Variants in CCHCR1 observed in about 807,000 individuals in gnomAD.
The protein encoded by CCHCR1 is HCR (a-helix coiled-coil rod homologue).
A neutral mutation model predicts 114.6 loss-of-function variants in CCHCR1; 91 were observed. The observed-to-expected ratio is 0.79, with a 90% CI of 0.67 to 0.94. The LOEUF (loss-of-function observed/expected upper bound fraction) is 0.94, where lower values mean the gene tolerates loss of function less well. Among genes scored for constraint, CCHCR1 ranks in the 40% least tolerant of loss-of-function variants. CCHCR1 has a pLI of 0.00. For missense variants in CCHCR1, 899 were observed against 1,079.9 expected, an observed-to-expected ratio of 0.83 and a Z score of 2.35; for synonymous variants, 379 against 428.5, an observed-to-expected ratio of 0.88 and a Z score of 1.43.
intron 11 of CCHCR1, 52 bp downstream of exon 11, chr6:31,145,644 G>T: frequency 6.7e-7 from 1 of 1,487,378 alleles, no homozygotes; most frequent in Non-Finnish European, 9.4e-7. Flanking sequence ...GAAGAAGAAA[G>T]TCCGAGCTGG....
chr6:31,148,490 G>A lies in CCHCR1; in HGVS notation c.1495C>T (p.Arg499Cys), dbSNP rs766894571. 1.8e-5 allele frequency: 29 copies of A among 1,612,450 alleles called. No individual in the cohort carries two copies. The highest frequency in any genetic ancestry group is 2.0e-5 in the Non-Finnish European group (24 of 1,179,644). Residue 499 changes from arginine (R) to cysteine (C), a missense_variant, in exon 10 of 18, where the codon CGT becomes TGT. Arg to Cys is a radical substitution (Grantham distance 180). Coordinates refer to ENST00000396268, the MANE Select transcript of CCHCR1 (RefSeq NM_001105564.2). The stretch of plus-strand genomic sequence containing the variant: ...CACCGACGCCTGGCCTCCTGAGCAC[G>A]GCTCAGCTCCAACTGCAGGCCCTGG... ...GAKGLQLELS[R>C]AQEARRRWQQ...
chr6:31,145,360 C>G, intron 12 of CCHCR1, 58 bp from the exon 13 acceptor site: 1 of 1,611,998 alleles, frequency 6.2e-7, no homozygotes, highest in Non-Finnish European at 8.5e-7. Flanking sequence ...ATCCCAAAGC[C>G]CCCATCCCAC....
At chr6:31,148,783 G>A (rs1581927475) in intron 8 of CCHCR1, 55 bp from the exon 9 acceptor site, 1 of 853,670 alleles carries the variant, frequency 1.2e-6, no homozygotes, top group East Asian at 4.0e-5. Context: ...GATGAGGGGG[G>A]CACTGGAAGC....
chr6:31,150,177 C>T lies in CCHCR1; in HGVS notation c.1251G>A (p.Arg417=), dbSNP rs1775002499. Residue 417 remains arginine, a synonymous_variant, in exon 8 of 18, where the codon AGG becomes AGA. Transcript: ENST00000396268. The surrounding 1 kb of genome is among the most constrained non-coding windows in gnomAD (Gnocchi z 5.3). ...AGCGGTTCAGCAGGGACTGGCACTT[C>T]CTGGTAAACTCAGGCTCCAGGGAAT... is the stretch of plus-strand genomic sequence containing the variant. ...PSDSLEPEFT[R]KCQSLLNRWR... is the part of the protein sequence containing the mutation. 6.2e-7 allele frequency: 1 copy of T among 1,614,186 alleles called. No individual in the cohort carries two copies. Among genetic ancestry groups the T allele is most frequent in the Non-Finnish European group, 8.5e-7 (1 of 1,180,040 alleles).
At position 31,144,826 on chromosome 6, in the gene CCHCR1, C is replaced by A; in HGVS notation, c.2066-38G>T. On this transcript the variant is annotated intron_variant, in intron 14 of 17. Coordinates refer to ENST00000396268, the MANE Select transcript of CCHCR1 (RefSeq NM_001105564.2). This position sits in a 1 kb window ranked among gnomAD's most constrained non-coding sequence, Gnocchi z 4.6. ...TGCAGACGGGGCATATCAGCAGGAGCTTTGATTCGCAGTTCCCACCCCACC... is the reference window on the plus strand; with the variant it reads ...TGCAGACGGGGCATATCAGCAGGAGATTTGATTCGCAGTTCCCACCCCACC... 9 of 1,609,382 alleles carry A rather than the reference C, an allele frequency of 5.6e-6. No individual in the cohort carries two copies. Among genetic ancestry groups the A allele is most frequent in the Non-Finnish European group, 6.8e-6 (8 of 1,175,854 alleles).
At position 31,148,601 on chromosome 6, in the gene CCHCR1, A is replaced by G; in HGVS notation, c.1473+17T>C. 3 of 1,604,646 alleles carry G rather than the reference A, an allele frequency of 1.9e-6. No individual in the cohort carries two copies. Among genetic ancestry groups the G allele is most frequent in the Non-Finnish European group, 2.6e-6 (3 of 1,172,368 alleles). ...GCTCCCTTGCCCTCCCCGAGTCTCTAGTAGGCTGACACCAACCTTGGCACC... is the reference window on the plus strand; with the variant it reads ...GCTCCCTTGCCCTCCCCGAGTCTCTGGTAGGCTGACACCAACCTTGGCACC... On this transcript the variant is annotated intron_variant, in intron 9 of 17. Transcript: ENST00000396268.
intron 10 of CCHCR1, among the ~76,000 whole-genome samples, chr6:31,146,570 A>T (rs1025039054): frequency 6.6e-6 from 1 of 152,104 alleles, no homozygotes; most frequent in Non-Finnish European, 1.5e-5. Context: ...CCACAGAAAA[A>T]CACATGATGA....
In CCHCR1 at chr6:31,143,984, G is replaced by A. The variant is rs1291284944; in HGVS notation, c.2168-571C>T. ...TGAGCCAGGAGAATGGCTTGAACCCGGGAGGCAGAGGTCACAGTGAGCCAA... is the reference window on the plus strand; with the variant it reads ...TGAGCCAGGAGAATGGCTTGAACCCAGGAGGCAGAGGTCACAGTGAGCCAA... On this transcript the variant is annotated intron_variant, in intron 15 of 17. Coordinates refer to ENST00000396268, the MANE Select transcript of CCHCR1 (RefSeq NM_001105564.2). The surrounding 1 kb of genome is among the most constrained non-coding windows in gnomAD (Gnocchi z 5.3). 6.6e-6 allele frequency among the ~76,000 whole-genome samples: 1 copy of A among 152,058 alleles called. No individual in the cohort carries two copies. The highest frequency in any genetic ancestry group is 2.4e-5 in the African/African-American group (1 of 41,396).
chr6:31,152,187 C>T (rs910568845), intron 4 of CCHCR1, among the ~76,000 whole-genome samples: 13 of 148,820 alleles, frequency 8.7e-5, no homozygotes, highest in African/African-American at 2.0e-4. Context: ...CCCAGCTACT[C>T]GGAAGAATGA....
At chr6:31,142,862 C>G in intron 17 of CCHCR1, 101 bp downstream of exon 17, 1 of 1,493,312 alleles carries the variant, frequency 6.7e-7, no homozygotes, top group Non-Finnish European at 9.1e-7. Flanking sequence ...CTAAGGGCCT[C>G]GAAGGACCGC....
chr6:31,144,773 AC>A lies in CCHCR1; in HGVS notation c.2080del (p.Val694TrpfsTer19). 1 of 1,613,752 alleles carries A rather than the reference AC, an allele frequency of 6.2e-7. No homozygotes were observed. Among genetic ancestry groups the A allele is most frequent in the Non-Finnish European group, 8.5e-7 (1 of 1,179,876 alleles). On this transcript the variant is annotated frameshift_variant, in exon 15 of 18. Transcript: ENST00000396268. LOFTEE classifies it high-confidence loss of function. This position sits in a 1 kb window ranked among gnomAD's most constrained non-coding sequence, Gnocchi z 4.6. The stretch of plus-strand genomic sequence containing the variant: ...CCGCAGCCGAGTTTCCACTTCAGCC[AC>A]CTTTTCTTGCAGGGCTGGGGTGAAA... The part of the protein sequence containing the change: ...ELYGQALQEK[V>X]AEVETRLREQ...
chr6:31,144,945 T>C lies in CCHCR1; in HGVS notation c.2005A>G (p.Thr669Ala). 6.2e-7 allele frequency: 1 copy of C among 1,612,116 alleles called. No individual in the cohort carries two copies. The highest frequency in any genetic ancestry group is 8.5e-7 in the Non-Finnish European group (1 of 1,179,984). Residue 669 changes from threonine (T) to alanine (A), a missense_variant, in exon 14 of 18, where the codon ACA (threonine) becomes GCA (alanine). Coordinates refer to ENST00000396268, the MANE Select transcript of CCHCR1 (RefSeq NM_001105564.2). This position sits in a 1 kb window ranked among gnomAD's most constrained non-coding sequence, Gnocchi z 4.6. ...EVARQGQQES[T>A]EEAASLRQEL... Reference sequence around the variant, plus strand: ...TGCCGCAGACTGGCAGCCTCCTCTGTGCTCTCCTGCTGGCCCTGGCGTGCT... The same window carrying C: ...TGCCGCAGACTGGCAGCCTCCTCTGCGCTCTCCTGCTGGCCCTGGCGTGCT...
At chr6:31,153,417 GC>G (rs1775536062) in intron 4 of CCHCR1, among the ~76,000 whole-genome samples, 2 of 151,934 alleles carry the variant, frequency 1.3e-5, no homozygotes, top group African/African-American at 4.8e-5. Context: ...TATAAATATA[GC>G]TTTTTTTTTT....
At position 31,143,719 on chromosome 6, in the gene CCHCR1, C is replaced by G. The variant is rs1012856669; in HGVS notation, c.2168-306G>C. 6.6e-6 allele frequency among the ~76,000 whole-genome samples: 1 copy of G among 152,174 alleles called. No individual in the cohort carries two copies. The highest frequency in any genetic ancestry group is 2.4e-5 in the African/African-American group (1 of 41,430). The stretch of plus-strand genomic sequence containing the variant: ...CTGTCTTAAAGTGTGATGATTGCAG[C>G]TATATAGGAGAATTTACTGGCTTTG... On this transcript the variant is annotated intron_variant, in intron 15 of 17. Coordinates refer to ENST00000396268, the MANE Select transcript of CCHCR1 (RefSeq NM_001105564.2). The surrounding 1 kb of genome is among the most constrained non-coding windows in gnomAD (Gnocchi z 5.3).
intron 17 of CCHCR1, 102 bp from the exon 18 acceptor site, chr6:31,142,818 C>T (rs1160735868): frequency 5.3e-6 from 8 of 1,521,194 alleles, no homozygotes; most frequent in Non-Finnish European, 7.1e-6. Context: ...AGAGAGGAGG[C>T]TCTTTGGTCC....
chr6:31,158,151 C>G (rs1776375113), upstream of CCHCR1: 1 of 155,800 alleles, frequency 6.4e-6, no homozygotes, highest in African/African-American at 2.4e-5. Flanking sequence ...ACCGACTCTT[C>G]CCGAACGTCC....
Position 31,143,460 on chromosome 6 carries a change from GA to G in CCHCR1, c.2168-48del. Reference sequence around the variant, plus strand: ...GAGGAGGCAGGTGTGAGTCAGGCCAGAGGCAGCCAGGCACCATGAAGACAGG... The same window carrying G: ...GAGGAGGCAGGTGTGAGTCAGGCCAGGGCAGCCAGGCACCATGAAGACAGG... On this transcript the variant is annotated intron_variant, in intron 15 of 17. Transcript: ENST00000396268. The surrounding 1 kb of genome is among the most constrained non-coding windows in gnomAD (Gnocchi z 5.3). 1 of 1,598,152 alleles carries G rather than the reference GA, an allele frequency of 6.3e-7. No individual in the cohort carries two copies. The highest frequency in any genetic ancestry group is 1.1e-5 in the South Asian group (1 of 90,194).
At chr6:31,145,933 G>A (rs1425108337) in intron 10 of CCHCR1, 125 bp from the exon 11 acceptor site, 16 of 625,540 alleles carry the variant, frequency 2.6e-5, no homozygotes, top group South Asian at 3.8e-5. Flanking sequence ...CACAGCTTCC[G>A]TCAATTATCT....
In CCHCR1 at chr6:31,143,293, T is replaced by C; in HGVS notation, c.2288A>G (p.Gln763Arg). The C allele has an allele frequency of 6.2e-7, 1 of 1,612,830 alleles. No individual in the cohort carries two copies. The highest frequency in any genetic ancestry group is 8.5e-7 in the Non-Finnish European group (1 of 1,180,022). ...EEGQRLARRL[Q>R]ELERDKNLML... is the part of the protein sequence containing the mutation. ...GAGGTTCTTATCCCTCTCTAGCTCC[T>C]GCAAGCGCCGGGCCAGTCGCTGCCC... Residue 763 changes from glutamine (Q) to arginine (R), a missense_variant, in exon 16 of 18, where the codon CAG (glutamine) becomes CGG (arginine). By Grantham distance (43) the Gln-to-Arg change is conservative. Coordinates refer to ENST00000396268, the MANE Select transcript of CCHCR1 (RefSeq NM_001105564.2). This position sits in a 1 kb window ranked among gnomAD's most constrained non-coding sequence, Gnocchi z 5.3.
Sources: allele counts gnomAD v4.1 joint callset (sites outside exome capture counted in the v4.1 genomes callset), GRCh38; gene constraint gnomAD v4.1.1; non-coding constraint Gnocchi (gnomAD v3.1); transcripts MANE v1.5; gene names NCBI Gene and HGNC (gene_info 2026-07-23, HGNC 2026-07-21).